The following PCDHGB7 variants were observed in gnomAD, a reference collection of about 807,000 sequenced individuals.
PCDHGB7 encodes the protein protocadherin gamma-B7.
A neutral mutation model predicts 61.4 loss-of-function variants in PCDHGB7; 37 were observed. The observed-to-expected ratio is 0.60, with a 90% CI of 0.46 to 0.79. The LOEUF (loss-of-function observed/expected upper bound fraction) is 0.79, where lower values mean the gene tolerates loss of function less well. Among genes scored for constraint, PCDHGB7 ranks in the 30% least tolerant of loss-of-function variants. The pLI, the probability that PCDHGB7 is intolerant of heterozygous loss-of-function variation, is 0.00. For missense variants in PCDHGB7, 1,166 were observed against 1,202.5 expected, an observed-to-expected ratio of 0.97 and a Z score of 0.45; for synonymous variants, 464 against 503.5, an observed-to-expected ratio of 0.92 and a Z score of 1.05.
rs775012950 is a variant in PCDHGB7, at chr5:141,428,225, A to T, written c.2415+7951A>T. On this transcript the variant is annotated intron_variant, in intron 1 of 3. Coordinates refer to ENST00000398594, the MANE Select transcript of PCDHGB7 (RefSeq NM_018927.4). ...GCTACGCTTCACCTAGTCTTCGCAG[A>T]CAGCCTGCAGGAGGCACTGCCAGAC... is the stretch of plus-strand genomic sequence containing the variant. 19 of 1,156,574 alleles carry T rather than the reference A, an allele frequency of 1.6e-5. No homozygotes were observed. In the Admixed American group the frequency reaches 3.1e-4, roughly 19 times the overall value. 71.6% of individuals were successfully genotyped at this position (1,156,574 alleles called of 1,614,324 possible).
At position 141,476,580 on chromosome 5, in the gene PCDHGB7, C is replaced by T. The variant is rs1463314107; in HGVS notation, c.2416-18227C>T. 6 of 1,614,126 alleles carry T rather than the reference C, an allele frequency of 3.7e-6. No homozygotes were observed. Among genetic ancestry groups the T allele is most frequent in the Non-Finnish European group, 5.1e-6 (6 of 1,180,052 alleles). The stretch of plus-strand genomic sequence containing the variant: ...GCCGTGGCTCCGGGGACGCGCTTTC[C>T]GCTCGAGAGCGCGCACGATCCCGAT... On this transcript the variant is annotated intron_variant, in intron 1 of 3. Transcript: ENST00000398594. This position sits in a 1 kb window ranked among gnomAD's most constrained non-coding sequence, Gnocchi z 7.6.
intron 1 of PCDHGB7, chr5:141,427,998 C>G: frequency 6.2e-7 from 1 of 1,600,956 alleles, no homozygotes; most frequent in Non-Finnish European, 8.6e-7. Context: ...TGGCTCCGCA[C>G]TCTTCGATAT....
chr5:141,421,429 G>A, intron 1 of PCDHGB7: 1 of 1,614,090 alleles, frequency 6.2e-7, no homozygotes, highest in Non-Finnish European at 8.5e-7. Context: ...AGTCCGCATC[G>A]TCTCCAGAGG....
intron 1 of PCDHGB7, among the ~76,000 whole-genome samples, chr5:141,469,859 A>C (rs2099213257): frequency 6.6e-6 from 1 of 152,080 alleles, no homozygotes; most frequent in Non-Finnish European, 1.5e-5. Context: ...GACCGGGTGC[A>C]ATGGCTCACG....
Position 141,432,683 on chromosome 5 carries a change from C to T in PCDHGB7, c.2415+12409C>T, listed in dbSNP as rs138402830. The T allele has an allele frequency of 4.8e-5, 78 of 1,613,968 alleles. No individual in the cohort carries two copies. In the African/African-American group the frequency reaches 9.5e-4, roughly 20 times the overall value. On this transcript the variant is annotated intron_variant, in intron 1 of 3. Transcript: ENST00000398594. The surrounding 1 kb of genome is among the most constrained non-coding windows in gnomAD (Gnocchi z 6.0). ...GGACAGAGACGCGCTCAAGCAGAGC[C>T]TCGTAGTGGCCGTCCAGGACCACGG...
At chr5:141,505,015 A>G (rs965107997) in intron 2 of PCDHGB7, among the ~76,000 whole-genome samples, 1 of 152,160 alleles carries the variant, frequency 6.6e-6, no homozygotes, top group Admixed American at 6.5e-5. Flanking sequence ...TACAAAAATT[A>G]GCCTGGCACA....
chr5:141,473,299 G>T (rs182316672), intron 1 of PCDHGB7, among the ~76,000 whole-genome samples: 5 of 152,228 alleles, frequency 3.3e-5, no homozygotes, highest in Admixed American at 1.3e-4. Flanking sequence ...GTAGCATAAA[G>T]ATTGCTATAT....
At chr5:141,473,439 A>G (rs2099322281) in intron 1 of PCDHGB7, among the ~76,000 whole-genome samples, 1 of 152,210 alleles carries the variant, frequency 6.6e-6, no homozygotes, top group African/African-American at 2.4e-5. Flanking sequence ...TTGCTTATGC[A>G]AAAATAATTA....
Position 141,477,197 on chromosome 5 carries a change from G to C in PCDHGB7, c.2416-17610G>C, listed in dbSNP as rs781504885. 6.2e-7 allele frequency: 1 copy of C among 1,614,210 alleles called. No homozygotes were observed. Among genetic ancestry groups the C allele is most frequent in the South Asian group, 1.1e-5 (1 of 91,082 alleles). On this transcript the variant is annotated intron_variant, in intron 1 of 3. Transcript: ENST00000398594. The surrounding 1 kb of genome is among the most constrained non-coding windows in gnomAD (Gnocchi z 4.9). ...CACAGTCACCTCCGTGTACAGCCCA[G>C]TACCCGAGGATGCCCCTCTGGGGAC...
intron 1 of PCDHGB7, among the ~76,000 whole-genome samples, chr5:141,469,170 G>A (rs2099192781): frequency 6.6e-6 from 1 of 152,042 alleles, no homozygotes; most frequent in South Asian, 2.1e-4. Context: ...CAGCTACTTG[G>A]GAGGCTGAGG....
chr5:141,433,939 A>T (rs1015984226), intron 1 of PCDHGB7, among the ~76,000 whole-genome samples: 2 of 151,714 alleles, frequency 1.3e-5, no homozygotes, highest in Non-Finnish European at 2.9e-5. Context: ...TTATAATTCC[A>T]TTGTTTCTTC....
chr5:141,460,507 G>A (rs2098991001), intron 1 of PCDHGB7, among the ~76,000 whole-genome samples: 1 of 152,036 alleles, frequency 6.6e-6, no homozygotes. Context: ...ATGCTGAGAA[G>A]GCTATCTTTT....
intron 1 of PCDHGB7, among the ~76,000 whole-genome samples, chr5:141,420,650 A>G (rs2096512866): frequency 6.6e-6 from 1 of 152,244 alleles, no homozygotes; most frequent in Non-Finnish European, 1.5e-5. Context: ...TGTAAGAATT[A>G]TAGTTAGGCA....
chr5:141,419,765 G>A lies in PCDHGB7; in HGVS notation c.1906G>A (p.Asp636Asn). The stretch of plus-strand genomic sequence containing the variant: ...CATGGTGCGTGCTTTGGGTGACAAG[G>A]ACTCGGTCCGCCAGCGCCTGCTAGT... ...VRMVRALGDK[D>N]SVRQRLLVAV... Residue 636 changes from aspartate (D) to asparagine (N), a missense_variant, in exon 1 of 4, where the codon GAC becomes AAC. Coordinates refer to ENST00000398594, the MANE Select transcript of PCDHGB7 (RefSeq NM_018927.4). 1 of 1,614,016 alleles carries A rather than the reference G, an allele frequency of 6.2e-7. No homozygotes were observed. The highest frequency in any genetic ancestry group is 8.5e-7 in the Non-Finnish European group (1 of 1,179,902).
chr5:141,496,287 C>T (rs768553690), intron 2 of PCDHGB7, among the ~76,000 whole-genome samples: 3 of 152,200 alleles, frequency 2.0e-5, no homozygotes, highest in Non-Finnish European at 4.4e-5. Flanking sequence ...TTGGTCTGAG[C>T]AGAGTGGGAT....
rs368697962 is a variant in PCDHGB7 at position 141,419,974 on chromosome 5, C to T, written c.2115C>T (p.Leu705=). The change falls in exon 1 of 4, where the codon CTC becomes CTT. Residue 705 remains leucine (L), a synonymous_variant. Transcript: ENST00000398594. ...ALALISVLFL[L]AVILAIALRL... The stretch of plus-strand genomic sequence containing the variant: ...CCTTGATTTCTGTGCTCTTTCTCCT[C>T]GCGGTGATTCTAGCTATTGCTCTAC... 3 of 1,613,962 alleles carry T rather than the reference C, an allele frequency of 1.9e-6. No individual in the cohort carries two copies. Among genetic ancestry groups the T allele is most frequent in the Non-Finnish European group, 2.5e-6 (3 of 1,179,910 alleles).
intron 2 of PCDHGB7, among the ~76,000 whole-genome samples, chr5:141,500,410 C>G (rs2099800033): frequency 6.6e-6 from 1 of 151,774 alleles, no homozygotes; most frequent in Non-Finnish European, 1.5e-5. Flanking sequence ...GGGGTTTCAC[C>G]GTGTTAGCCA....
intron 1 of PCDHGB7, among the ~76,000 whole-genome samples, chr5:141,448,842 G>A (rs943887884): frequency 6.6e-6 from 1 of 152,182 alleles, no homozygotes; most frequent in Non-Finnish European, 1.5e-5. Context: ...CTACTCTGGA[G>A]GCTGAGGCAG....
intron 1 of PCDHGB7, chr5:141,441,088 G>A (rs1050261040): frequency 3.9e-5 from 6 of 152,162 alleles, no homozygotes; most frequent in African/African-American, 1.4e-4. Context: ...GGTAGCAAGT[G>A]ACAGAGAGGG....
Sources: allele counts gnomAD v4.1 joint callset (sites outside exome capture counted in the v4.1 genomes callset), GRCh38; gene constraint gnomAD v4.1.1; non-coding constraint Gnocchi (gnomAD v3.1); transcripts MANE v1.5; gene names NCBI Gene and HGNC (gene_info 2026-07-23, HGNC 2026-07-21).